The following SEMA4B variants were observed in gnomAD, a reference collection of about 807,000 sequenced individuals.
SEMA4B encodes the protein semaphorin 4B.
A neutral mutation model predicts 88.1 loss-of-function variants in SEMA4B; 55 were observed. That is an observed-to-expected ratio of 0.62 (90% CI 0.50 to 0.78). SEMA4B has a LOEUF of 0.78. SEMA4B is among the 30% of genes least tolerant of loss of function. SEMA4B has a pLI of 0.00. For missense variants in SEMA4B, 1,062 were observed against 1,111.9 expected, an observed-to-expected ratio of 0.96 and a Z score of 0.64; for synonymous variants, 525 against 473.6, an observed-to-expected ratio of 1.11 and a Z score of -1.41.
In SEMA4B at chr15:90,225,777, C is replaced by T. The variant is rs767458947; in HGVS notation, c.1638C>T (p.Ser546=). The change falls in exon 12 of 14, where the codon AGC becomes AGT. Residue 546 remains serine (S), a synonymous_variant. Transcript: ENST00000411539. The part of the protein sequence containing the change: ...LLARDPYCAW[S]GSSCKHVSLY... ...CCCGGGACCCCTACTGTGCTTGGAG[C>T]GGCTCCAGCTGCAAGCACGTCAGCC... 4.2e-5 allele frequency: 66 copies of T among 1,566,064 alleles called. No homozygotes were observed. The Admixed American group carries it at 5.8e-4, about 14-fold the overall frequency.
chr15:90,197,562 C>T (rs534074283), upstream of SEMA4B, among the ~76,000 whole-genome samples: 39 of 149,396 alleles, frequency 2.6e-4, 1 homozygote, highest in Admixed American at 5.3e-4. Flanking sequence ...CTCAGCCTCC[C>T]GAGTAGCTGG....
At chr15:90,219,722 G>A (rs1177434360) in intron 3 of SEMA4B, 71 bp from the exon 4 acceptor site, 29 of 1,240,538 alleles carry the variant, frequency 2.3e-5, no homozygotes, top group Non-Finnish European at 3.1e-5. Context: ...GTGTGGAAGG[G>A]GGGGCTCGGC....
intron 1 of SEMA4B, among the ~76,000 whole-genome samples, chr15:90,187,022 C>T (rs181388078): frequency 3.0e-3 from 461 of 152,212 alleles, no homozygotes; most frequent in Non-Finnish European, 5.8e-3. Flanking sequence ...AGATGGGAAA[C>T]GGAGACTTGT....
At chr15:90,220,367 C>CTTT (rs1320090623) in intron 4 of SEMA4B, 7 of 125,288 alleles carry the variant, frequency 5.6e-5, no homozygotes, top group African/African-American at 1.0e-4. Context: ...TTTTTCTTTT[C>CTTT]TTTTTTTTTT....
chr15:90,210,818 G>C (rs1033780757), intron 1 of SEMA4B, among the ~76,000 whole-genome samples: 1 of 152,154 alleles, frequency 6.6e-6, no homozygotes, highest in East Asian at 1.9e-4. Context: ...TGAACGTGGG[G>C]CTGGCTGAGG....
intron 2 of SEMA4B, 72 bp downstream of exon 2, chr15:90,217,674 C>T: frequency 6.2e-7 from 1 of 1,603,952 alleles, no homozygotes; most frequent in Non-Finnish European, 8.5e-7. Flanking sequence ...GGAAGCTTGA[C>T]CTTCTGGGTC....
At position 90,228,198 on chromosome 15, in the gene SEMA4B, CCGT is replaced by C. The variant is rs1962286140; in HGVS notation, c.2071_2073del (p.Val691del). The C allele has an allele frequency of 6.2e-7, 1 of 1,610,000 alleles. No homozygotes were observed. The highest frequency in any genetic ancestry group is 1.7e-5 in the Admixed American group (1 of 59,336). On this transcript the variant is annotated inframe_deletion, in exon 14 of 14. Transcript: ENST00000411539. Reference sequence around the variant, plus strand: ...CAAACAGATGAGGGTGGCAGTGTACCCGTCATTATCAGCACATCGCGTGTGAGT... The same window carrying C: ...CAAACAGATGAGGGTGGCAGTGTACCCATTATCAGCACATCGCGTGTGAGT...
chr15:90,201,673 T>C lies in SEMA4B; in HGVS notation c.95T>C (p.Leu32Pro). 6.6e-7 allele frequency: 1 copy of C among 1,515,528 alleles called. No homozygotes were observed. Among genetic ancestry groups the C allele is most frequent in the Non-Finnish European group, 8.8e-7 (1 of 1,138,900 alleles). 93.9% of individuals were successfully genotyped at this position (1,515,528 alleles called of 1,614,324 possible). Residue 32 changes from leucine to proline, a missense_variant, in exon 1 of 14, where the codon CTG becomes CCG. Physicochemically the swap from Leu to Pro is moderately conservative, Grantham distance 98. Coordinates refer to ENST00000411539, the MANE Select transcript of SEMA4B (RefSeq NM_198925.4). ...RPPLLLLLLL[L>P]LLLQPPPPTW... is the part of the protein sequence containing the mutation. ...CCGCTGCTGCTGCTCCTGCTGCTGC[T>C]GCTCCTGCTGCAGCCGCCGCCTCCG...
intron 1 of SEMA4B, chr15:90,185,153 C>T (rs1412612578): frequency 1.2e-6 from 1 of 830,970 alleles, no homozygotes; most frequent in African/African-American, 1.8e-5. Flanking sequence ...AAAACCGCCG[C>T]GCAGCCGCTG....
At position 90,212,105 on chromosome 15, in the gene SEMA4B, T is replaced by C. The variant is rs1355971306; in HGVS notation, c.158-5334T>C. Among the ~76,000 whole-genome samples the C allele has an allele frequency of 6.6e-6, 1 of 151,810 alleles. No individual in the cohort carries two copies. Among genetic ancestry groups the C allele is most frequent in the Non-Finnish European group, 1.5e-5 (1 of 67,958 alleles). On this transcript the variant is annotated intron_variant, in intron 1 of 13. Coordinates refer to ENST00000411539, the MANE Select transcript of SEMA4B (RefSeq NM_198925.4). This position sits in a 1 kb window ranked among gnomAD's most constrained non-coding sequence, Gnocchi z 4.0. ...GGGAAGGAGGACCCTTACATGGGGC[T>C]GAGGGCTGAGTATTCCCACATCACT...
At chr15:90,219,642 A>T in intron 3 of SEMA4B, 151 bp from the exon 4 acceptor site, 1 of 612,686 alleles carries the variant, frequency 1.6e-6, no homozygotes, top group Non-Finnish European at 2.9e-6. Flanking sequence ...TGCCCCAGAA[A>T]ACCCGTGGGT....
At chr15:90,220,900 C>T in intron 4 of SEMA4B, 82 bp from the exon 5 acceptor site, 1 of 895,384 alleles carries the variant, frequency 1.1e-6, no homozygotes, top group Admixed American at 2.0e-5. Context: ...GTTGCCTTCT[C>T]CTGCACGCCT....
Position 90,216,260 on chromosome 15 carries a change from G to A in SEMA4B, c.158-1179G>A, listed in dbSNP as rs1002676455. ...TGGGATTATAGGTGTGAGCCACCAC[G>A]CCCAGCCCATTTCCTCCATATTTTT... On this transcript the variant is annotated intron_variant, in intron 1 of 13. Coordinates refer to ENST00000411539, the MANE Select transcript of SEMA4B (RefSeq NM_198925.4). Among the ~76,000 whole-genome samples, 6 of 152,146 alleles carry A rather than the reference G, an allele frequency of 3.9e-5. 1 individual carries two copies. In the South Asian group the frequency reaches 1.0e-3, roughly 26 times the overall value.
intron 1 of SEMA4B, among the ~76,000 whole-genome samples, chr15:90,186,941 A>G (rs920450145): frequency 1.3e-5 from 2 of 152,142 alleles, no homozygotes; most frequent in Admixed American, 1.3e-4. Flanking sequence ...TCAAAAAATA[A>G]TAATAATAAA....
upstream of SEMA4B, chr15:90,201,236 C>T (rs1960697798): frequency 4.4e-6 from 4 of 907,288 alleles, no homozygotes; most frequent in South Asian, 2.1e-4. Flanking sequence ...AGCTGCCGCC[C>T]CTCGCGCTGC....
At chr15:90,210,292 G>A (rs1961201235) in intron 1 of SEMA4B, among the ~76,000 whole-genome samples, 1 of 152,188 alleles carries the variant, frequency 6.6e-6, no homozygotes, top group South Asian at 2.1e-4. Flanking sequence ...TCTGCACTGT[G>A]GGGTCTGGTG....
In SEMA4B at chr15:90,221,337, C is replaced by T. The variant is rs1471997542; in HGVS notation, c.596-30C>T. On this transcript the variant is annotated intron_variant, in intron 5 of 13. Coordinates refer to ENST00000411539, the MANE Select transcript of SEMA4B (RefSeq NM_198925.4). ...AGGGAGAAGGGGCCGTGCTGAGGAG[C>T]CCATTCCCATGGGAATGTTTTCTTG... 2.7e-6 allele frequency: 4 copies of T among 1,493,126 alleles called. No homozygotes were observed. In the South Asian group the frequency reaches 4.8e-5, roughly 18 times the overall value. The allele number at this position is 1,493,126 out of a possible 1,614,324, so 92.5% of individuals were successfully genotyped here. A position where few individuals can be genotyped will look rare whatever the true frequency, so the allele number is the denominator to read the frequency against.
In SEMA4B at chr15:90,228,370, C is replaced by G. The variant is rs764116581; in HGVS notation, c.2241C>G (p.Phe747Leu). 3.1e-6 allele frequency: 5 copies of G among 1,600,424 alleles called. No homozygotes were observed. Among genetic ancestry groups the G allele is most frequent in the Non-Finnish European group, 3.4e-6 (4 of 1,172,884 alleles). The change falls in exon 14 of 14, where the codon TTC becomes TTG. Residue 747 changes from phenylalanine (F) to leucine (L), a missense_variant. Transcript: ENST00000411539. ...LYRHRNSMKV[F>L]LKQGECASVH... ...GGCACCGGAACAGCATGAAAGTCTT[C>G]CTGAAGCAGGGGGAATGTGCCAGCG...
chr15:90,188,834 A>AT (rs1567040864), intron 1 of SEMA4B, among the ~76,000 whole-genome samples: 1 of 151,120 alleles, frequency 6.6e-6, no homozygotes, highest in Non-Finnish European at 1.5e-5. Context: ...CGCCCGGCTA[A>AT]TTTTTTTGTA....
Sources: allele counts gnomAD v4.1 joint callset (sites outside exome capture counted in the v4.1 genomes callset), GRCh38; gene constraint gnomAD v4.1.1; non-coding constraint Gnocchi (gnomAD v3.1); transcripts MANE v1.5; gene names NCBI Gene and HGNC (gene_info 2026-07-23, HGNC 2026-07-21).